RBFOX1: variants seen among roughly 807,000 people sequenced by gnomAD.
RBFOX1 encodes RNA binding fox-1 homolog 1.
In RBFOX1, 8 loss-of-function variants were observed where a neutral mutation model predicts 57.7. The observed-to-expected ratio is 0.14, with a 90% CI of 0.08 to 0.25. The LOEUF is 0.25. Ranked by LOEUF, RBFOX1 falls within the 10% of genes least tolerant of loss-of-function variation. RBFOX1 has a pLI of 1.00. For missense variants in RBFOX1, 611 were observed against 548.5 expected (o/e 1.11, Z -1.14); for synonymous variants, 326 against 222.4 (o/e 1.47, Z -4.15).
chr16:6,153,270 G>C (rs1480947999), intron 1 of RBFOX1, among the ~76,000 whole-genome samples: 2 of 151,876 alleles, frequency 1.3e-5, no homozygotes, highest in Non-Finnish European at 2.9e-5. Flanking sequence ...ATTTATAATT[G>C]ACCCTTGTTA....
chr16:6,263,038 A>C (rs1209663031), intron 1 of RBFOX1, among the ~76,000 whole-genome samples: 1 of 152,188 alleles, frequency 6.6e-6, no homozygotes, highest in Non-Finnish European at 1.5e-5. Context: ...TCACCCACTC[A>C]AAGAACCAGG....
At chr16:5,907,761 ATCATTT>A (rs1327129636) in intron 4 of RBFOX1, among the ~76,000 whole-genome samples, 88 of 149,624 alleles carry the variant, frequency 5.9e-4, no homozygotes, top group African/African-American at 2.1e-3. Context: ...CATCATCATC[ATCATTT>A]GAGATGGCAT....
At chr16:7,257,239 A>G (rs933667897) in intron 4 of RBFOX1, among the ~76,000 whole-genome samples, 1 of 152,150 alleles carries the variant, frequency 6.6e-6, no homozygotes, top group Non-Finnish European at 1.5e-5. Flanking sequence ...TGTAATCCCC[A>G]GCTGAGAGTG....
chr16:5,661,190 A>T (rs1348346133), intron 3 of RBFOX1, among the ~76,000 whole-genome samples: 1 of 152,190 alleles, frequency 6.6e-6, no homozygotes, highest in Non-Finnish European at 1.5e-5. Context: ...AACTTTAATT[A>T]TTTTCCCAAC....
chr16:7,101,002 T>A (rs913243357), intron 4 of RBFOX1, among the ~76,000 whole-genome samples: 1 of 152,160 alleles, frequency 6.6e-6, no homozygotes, highest in South Asian at 2.1e-4. Context: ...AGAGATATAG[T>A]GAAAAAATGT....
chr16:7,431,670 G>C (rs1030339397), intron 4 of RBFOX1, among the ~76,000 whole-genome samples: 3 of 152,142 alleles, frequency 2.0e-5, no homozygotes, highest in African/African-American at 7.2e-5. Flanking sequence ...TACTTCAAAA[G>C]GAACCCCATA....
rs116858702 is a variant in RBFOX1, at chr16:7,216,227, A to T, written c.27+164129A>T. 4.6e-3 allele frequency among the ~76,000 whole-genome samples: 694 copies of T among 152,316 alleles called. 8 individuals are homozygous for T. The highest frequency in any genetic ancestry group is 0.027 in the Middle Eastern group (8 of 294). On this transcript the variant is annotated intron_variant, in intron 4 of 15. Coordinates refer to ENST00000550418, the MANE Select transcript of RBFOX1 (RefSeq NM_018723.4). Reference sequence around the variant, plus strand: ...TTCCACTTATTGGCTATTGTGAATCATGCCACTATCTGCATATTAGTTAAG... The same window carrying T: ...TTCCACTTATTGGCTATTGTGAATCTTGCCACTATCTGCATATTAGTTAAG...
At chr16:6,000,709 G>C (rs953000853) in intron 4 of RBFOX1, among the ~76,000 whole-genome samples, 4 of 151,436 alleles carry the variant, frequency 2.6e-5, no homozygotes, top group Non-Finnish European at 4.4e-5. Context: ...GAGTGGGTTG[G>C]TGGATGGGTA....
chr16:7,241,985 C>G (rs1029715702), intron 4 of RBFOX1, among the ~76,000 whole-genome samples: 3 of 152,066 alleles, frequency 2.0e-5, no homozygotes, highest in African/African-American at 7.2e-5. Flanking sequence ...AACTTTGGCC[C>G]TCTTGATACT....
intron 4 of RBFOX1, among the ~76,000 whole-genome samples, chr16:5,959,473 G>A (rs561502275): frequency 6.6e-6 from 1 of 152,296 alleles, no homozygotes; most frequent in African/African-American, 2.4e-5. Context: ...ACAATGACAG[G>A]GGTGTTTTCT....
intron 4 of RBFOX1, among the ~76,000 whole-genome samples, chr16:7,312,904 G>A (rs1040788970): frequency 2.6e-5 from 4 of 151,688 alleles, no homozygotes; most frequent in African/African-American, 9.7e-5. Flanking sequence ...GGAGAGTCTG[G>A]CGGAGCTCTC....
At chr16:6,659,113 A>C (rs1452918900) in intron 3 of RBFOX1, among the ~76,000 whole-genome samples, 1 of 151,820 alleles carries the variant, frequency 6.6e-6, no homozygotes, top group Non-Finnish European at 1.5e-5. Context: ...ATTTAAATTC[A>C]TTTTTATTTG....
chr16:6,213,979 A>G (rs2097315021), intron 1 of RBFOX1, among the ~76,000 whole-genome samples: 1 of 152,218 alleles, frequency 6.6e-6, no homozygotes, highest in Non-Finnish European at 1.5e-5. Context: ...AAATGGCTCT[A>G]GATATTGACA....
intron 2 of RBFOX1, among the ~76,000 whole-genome samples, chr16:6,560,326 G>C (rs1341899950): frequency 9.9e-6 from 1 of 101,340 alleles, no homozygotes; most frequent in African/African-American, 2.8e-5. Context: ...AAAAGGATGA[G>C]GAGGGCAGGA....
intron 2 of RBFOX1, among the ~76,000 whole-genome samples, chr16:6,595,905 G>C (rs1481925958): frequency 6.6e-6 from 1 of 151,986 alleles, no homozygotes; most frequent in Non-Finnish European, 1.5e-5. Context: ...TTAAAATAGG[G>C]CTATTTGTCT....
chr16:6,785,772 G>GAT (rs1297617509), intron 3 of RBFOX1, among the ~76,000 whole-genome samples: 1 of 152,096 alleles, frequency 6.6e-6, no homozygotes, highest in Non-Finnish European at 1.5e-5. Context: ...TCCAGATGAG[G>GAT]ATACCAAACA....
chr16:7,219,321 C>G (rs954968454), intron 4 of RBFOX1, among the ~76,000 whole-genome samples: 2 of 152,162 alleles, frequency 1.3e-5, no homozygotes, highest in African/African-American at 2.4e-5. Flanking sequence ...AATAGAGATG[C>G]TTTTAATGAG....
chr16:6,328,998 T>C (rs1006376231), intron 2 of RBFOX1, among the ~76,000 whole-genome samples: 2 of 152,208 alleles, frequency 1.3e-5, no homozygotes, highest in African/African-American at 2.4e-5. Flanking sequence ...CAGCTGGTTC[T>C]GAAGTTCAAT....
chr16:7,633,000 A>G (rs908656031), intron 11 of RBFOX1, among the ~76,000 whole-genome samples: 1 of 152,240 alleles, frequency 6.6e-6, no homozygotes, highest in African/African-American at 2.4e-5. Flanking sequence ...CAAATTCTCC[A>G]TAATAAAATA....
Sources: allele counts gnomAD v4.1 joint callset (sites outside exome capture counted in the v4.1 genomes callset), GRCh38; gene constraint gnomAD v4.1.1; transcripts MANE v1.5; gene names NCBI Gene and HGNC (gene_info 2026-07-23, HGNC 2026-07-21).